The following MTUS2 variants were observed in gnomAD, a reference collection of about 807,000 sequenced individuals.
The protein encoded by MTUS2 is microtubule associated scaffold protein 2.
A neutral mutation model predicts 114.1 loss-of-function variants in MTUS2; 40 were observed. That is an observed-to-expected ratio of 0.35 (90% CI 0.27 to 0.46). The LOEUF is 0.46. MTUS2 is among the 20% of genes least tolerant of loss of function. The pLI is 1.00. For missense variants in MTUS2, 1,679 were observed against 1,705.4 expected, an observed-to-expected ratio of 0.98 and a Z score of 0.27; for synonymous variants, 688 against 672.0, an observed-to-expected ratio of 1.02 and a Z score of -0.37.
In MTUS2 at chr13:29,357,172, C is replaced by CATGATGATG. The variant is rs55637032; in HGVS notation, c.2906-2072_2906-2064dup. Among the ~76,000 whole-genome samples the CATGATGATG allele has an allele frequency of 7.4e-3, 1,111 of 150,894 alleles. 6 individuals are homozygous for CATGATGATG. The highest frequency in any genetic ancestry group is 0.019 in the South Asian group (88 of 4,718). On this transcript the variant is annotated intron_variant, in intron 7 of 15. Transcript: ENST00000612955. ...ATTTACCATTGAGTATAATTTCTAACATGATGATGATGATGATGATGATGA... is the reference window on the plus strand; with the variant it reads ...ATTTACCATTGAGTATAATTTCTAACATGATGATGATGATGATGATGATGATGATGATGA...
chr13:29,338,225 T>C (rs1245948004), intron 7 of MTUS2, among the ~76,000 whole-genome samples: 1 of 152,326 alleles, frequency 6.6e-6, no homozygotes, highest in South Asian at 2.1e-4. Context: ...GAAGAGGTTA[T>C]GTTCTTAATT....
intron 2 of MTUS2, among the ~76,000 whole-genome samples, chr13:28,888,375 A>G (rs9579249): frequency 0.28 from 42,118 of 151,482 alleles, 7,635 homozygotes; most frequent in Non-Finnish European, 0.39. Context: ...ATGAGAATAT[A>G]TCAGATGGAG....
intron 8 of MTUS2, among the ~76,000 whole-genome samples, chr13:29,371,976 GCC>G (rs1266577455): frequency 0.012 from 284 of 23,954 alleles, 30 homozygotes; most frequent in Middle Eastern, 0.042. Context: ...CTCAACCCCC[GCC>G]CCCCCCCCCA....
chr13:28,991,282 A>T (rs190594782), intron 2 of MTUS2, among the ~76,000 whole-genome samples: 1 of 152,058 alleles, frequency 6.6e-6, no homozygotes, highest in Admixed American at 6.5e-5. Flanking sequence ...TGTAGGTTAG[A>T]CTTGTCTTCC....
chr13:29,195,751 C>T (rs1418506165), intron 5 of MTUS2, among the ~76,000 whole-genome samples: 1 of 152,074 alleles, frequency 6.6e-6, no homozygotes, highest in Non-Finnish European at 1.5e-5. Flanking sequence ...AAGAGTGTTT[C>T]ATGAGGGGAA....
chr13:29,016,215 T>C (rs1886061099), intron 2 of MTUS2, among the ~76,000 whole-genome samples: 1 of 152,176 alleles, frequency 6.6e-6, no homozygotes, highest in Admixed American at 6.5e-5. Flanking sequence ...TTCATTTCTT[T>C]TATAATTGGC....
chr13:29,474,545 A>G (rs988799424), intron 9 of MTUS2, among the ~76,000 whole-genome samples: 1 of 152,224 alleles, frequency 6.6e-6, no homozygotes, highest in Non-Finnish European at 1.5e-5. Flanking sequence ...GTAGAAATAT[A>G]GATACACTTT....
chr13:29,077,897 G>C (rs948229658), intron 4 of MTUS2, among the ~76,000 whole-genome samples: 8 of 152,062 alleles, frequency 5.3e-5, no homozygotes, highest in African/African-American at 1.9e-4. Context: ...ACATTACAGA[G>C]TCATTAAAAG....
intron 5 of MTUS2, among the ~76,000 whole-genome samples, chr13:29,115,133 T>C (rs1005439849): frequency 6.6e-6 from 1 of 152,188 alleles, no homozygotes; most frequent in Non-Finnish European, 1.5e-5. Context: ...TAAAATGAAA[T>C]ATTACAGACA....
At chr13:28,966,749 CAAAG>C (rs1883613492) in intron 2 of MTUS2, among the ~76,000 whole-genome samples, 18 of 87,926 alleles carry the variant, frequency 2.0e-4, no homozygotes, top group East Asian at 3.3e-4. Flanking sequence ...AAAAAAAAAA[CAAAG>C]AACTGATTAT....
intron 2 of MTUS2, among the ~76,000 whole-genome samples, chr13:28,991,955 G>T (rs1884878641): frequency 6.6e-6 from 1 of 152,160 alleles, no homozygotes; most frequent in Non-Finnish European, 1.5e-5. Flanking sequence ...CCCAGCCTAG[G>T]CTTGGCTGAA....
intron 8 of MTUS2, among the ~76,000 whole-genome samples, chr13:29,420,208 GCT>G (rs1315636896): frequency 6.6e-6 from 1 of 151,444 alleles, no homozygotes; most frequent in African/African-American, 2.4e-5. Context: ...TGTTGAAACT[GCT>G]CTTTTTTCTT....
chr13:29,493,414 C>G (rs1228233419), intron 12 of MTUS2, among the ~76,000 whole-genome samples: 2 of 152,150 alleles, frequency 1.3e-5, no homozygotes, highest in Non-Finnish European at 2.9e-5. Flanking sequence ...GGCCCTGCTT[C>G]CATTTCCAAG....
At chr13:29,010,411 G>T (rs1431765986) in intron 2 of MTUS2, among the ~76,000 whole-genome samples, 18 of 152,084 alleles carry the variant, frequency 1.2e-4, no homozygotes, top group Admixed American at 7.9e-4. Context: ...ATGGAGTCTT[G>T]GGATAATTTG....
chr13:29,505,859 G>T lies in MTUS2; in HGVS notation c.*2653G>T, dbSNP rs890857377. The T allele has an allele frequency of 4.8e-5, 11 of 228,362 alleles. No individual in the cohort carries two copies. Among genetic ancestry groups the T allele is most frequent in the Non-Finnish European group, 9.6e-5 (11 of 115,058 alleles). 14.1% of individuals were successfully genotyped at this position (228,362 alleles called of 1,614,324 possible). The stretch of plus-strand genomic sequence containing the variant: ...GGCCGTGATTAGTTGAATGAATGGG[G>T]TCACAACATCCCTTTTCCTGCCCCT... On this transcript the variant is annotated 3_prime_UTR_variant, in exon 16 of 16. Transcript: ENST00000612955.
At chr13:28,871,975 C>A (rs1448241763) in intron 2 of MTUS2, among the ~76,000 whole-genome samples, 1 of 152,156 alleles carries the variant, frequency 6.6e-6, no homozygotes, top group African/African-American at 2.4e-5. Flanking sequence ...AGGCAGGAGG[C>A]AGATCACAAT....
chr13:29,482,634 T>G (rs540447419), intron 10 of MTUS2, among the ~76,000 whole-genome samples: 2 of 152,366 alleles, frequency 1.3e-5, no homozygotes, highest in East Asian at 3.9e-4. Flanking sequence ...AATGTGGGCT[T>G]GCTTATCTAT....
At chr13:29,092,786 A>C (rs2987345) in intron 4 of MTUS2, among the ~76,000 whole-genome samples, 1 of 152,218 alleles carries the variant, frequency 6.6e-6, no homozygotes, top group Non-Finnish European at 1.5e-5. Context: ...TCATGTATCA[A>C]TTATTCCACA....
intron 5 of MTUS2, among the ~76,000 whole-genome samples, chr13:29,205,837 T>C (rs1895161807): frequency 1.3e-5 from 2 of 152,256 alleles, no homozygotes; most frequent in Admixed American, 6.5e-5. Context: ...GATTCCATAT[T>C]TTTGCAATTG....
Sources: gnomAD v4.1 joint callset for allele counts (sites outside exome capture counted in the v4.1 genomes callset) on GRCh38, gnomAD v4.1.1 for gene constraint, MANE v1.5 for transcripts, NCBI Gene and HGNC (gene_info 2026-07-23, HGNC 2026-07-21) for gene names.